The following OR2L13 variants were observed in gnomAD, a reference collection of about 807,000 sequenced individuals.
OR2L13 encodes olfactory receptor family 2 subfamily L member 13.
Under a neutral mutation model 15.3 loss-of-function variants are expected in OR2L13, and 14 were observed. The ratio of observed to expected loss-of-function variants is 0.91; its 90% CI spans 0.60 to 1.43. OR2L13 has a LOEUF of 1.43. OR2L13 is among the 40% of genes most tolerant of loss of function. OR2L13 has a pLI of 0.00. For synonymous variants in OR2L13, 152 were observed against 142.9 expected, an observed-to-expected ratio of 1.06 and a Z score of -0.45; for missense variants, 367 against 387.9, an observed-to-expected ratio of 0.95 and a Z score of 0.45.
the OR2L13 span, among the ~76,000 whole-genome samples, chr1:247,942,706 A>C: frequency 2.0e-5 from 3 of 152,208 alleles, no homozygotes; most frequent in African/African-American, 7.2e-5. Flanking sequence ...GTGCATTTAA[A>C]TGATTTTTAT....
At chr1:247,939,725 A>G in the OR2L13 span, 1 of 152,176 alleles carries the variant, frequency 6.6e-6, no homozygotes, top group African/African-American at 2.4e-5. Flanking sequence ...TGTCTTTCTA[A>G]GTGTAGAAAG....
the OR2L13 span, among the ~76,000 whole-genome samples, chr1:247,982,847 T>C: frequency 2.6e-5 from 4 of 152,128 alleles, no homozygotes; most frequent in African/African-American, 9.6e-5. Context: ...TATTTCACAG[T>C]TATTTACTAT....
the OR2L13 span, among the ~76,000 whole-genome samples, chr1:248,018,129 T>G: frequency 6.8e-6 from 1 of 146,750 alleles, no homozygotes; most frequent in Non-Finnish European, 1.5e-5. Flanking sequence ...CACTCCAGCC[T>G]AGGCGACAGA....
chr1:248,048,497 C>A, the OR2L13 span, among the ~76,000 whole-genome samples: 12 of 152,086 alleles, frequency 7.9e-5, no homozygotes, highest in Admixed American at 7.9e-4. Flanking sequence ...GTCTATACTC[C>A]AGAAGACACT....
At chr1:248,088,441 T>C in the OR2L13 span, among the ~76,000 whole-genome samples, 1 of 152,232 alleles carries the variant, frequency 6.6e-6, no homozygotes, top group South Asian at 2.1e-4. Context: ...TCATGTTCCT[T>C]TCCTATAAAA....
exon 3 of OR2L13, chr1:248,099,535 C>T: frequency 6.2e-7 from 1 of 1,614,060 alleles, no homozygotes; most frequent in Non-Finnish European, 8.5e-7. Context: ...GGATCCTCGT[C>T]TCCACACACC....
the OR2L13 span, chr1:247,965,120 G>A: frequency 2.8e-6 from 1 of 362,098 alleles, no homozygotes; most frequent in Non-Finnish European, 4.9e-6. Context: ...ATGTATGTTT[G>A]CATATATAAT....
chr1:247,960,057 C>T, the OR2L13 span, among the ~76,000 whole-genome samples: 1 of 152,134 alleles, frequency 6.6e-6, no homozygotes, highest in Admixed American at 6.5e-5. Context: ...TGTTTTTTCC[C>T]CATCTTTGTG....
chr1:248,068,592 A>G, the OR2L13 span, among the ~76,000 whole-genome samples: 2 of 152,242 alleles, frequency 1.3e-5, no homozygotes, highest in Non-Finnish European at 2.9e-5. Context: ...CCAAAGGAAC[A>G]CAGTTCCTCA....
At chr1:248,024,606 G>A in the OR2L13 span, among the ~76,000 whole-genome samples, 15 of 152,258 alleles carry the variant, frequency 9.9e-5, no homozygotes, top group East Asian at 2.3e-3. Context: ...AAGGGATCCA[G>A]TTTCAGCTTT....
the OR2L13 span, among the ~76,000 whole-genome samples, chr1:247,999,250 A>C: frequency 4.9e-3 from 741 of 152,292 alleles, 5 homozygotes; most frequent in Non-Finnish European, 8.4e-3. Context: ...GAACTTACCC[A>C]GTGAAGCAGA....
the OR2L13 span, among the ~76,000 whole-genome samples, chr1:247,989,348 GA>G: frequency 6.6e-6 from 1 of 151,910 alleles, no homozygotes; most frequent in Non-Finnish European, 1.5e-5. Flanking sequence ...AATAAATGTA[GA>G]AAAAAATCAT....
the OR2L13 span, chr1:248,039,731 C>T: frequency 6.6e-6 from 1 of 152,060 alleles, no homozygotes; most frequent in Non-Finnish European, 1.5e-5. Context: ...TTGTTTATCT[C>T]CCATTATTAT....
chr1:248,048,716 T>G, the OR2L13 span, among the ~76,000 whole-genome samples: 1 of 152,214 alleles, frequency 6.6e-6, no homozygotes, highest in African/African-American at 2.4e-5. Context: ...CGGAGATCAG[T>G]TTCTGGAAGT....
the OR2L13 span, among the ~76,000 whole-genome samples, chr1:247,989,954 T>G: frequency 6.6e-6 from 1 of 152,096 alleles, no homozygotes; most frequent in African/African-American, 2.4e-5. Flanking sequence ...AGAAGAAAAA[T>G]AAACACCGTT....
At chr1:248,085,509 T>C in the OR2L13 span, among the ~76,000 whole-genome samples, 1 of 145,540 alleles carries the variant, frequency 6.9e-6, no homozygotes, top group South Asian at 2.3e-4. Flanking sequence ...GTTATCTTTT[T>C]CCAGATTATA....
the OR2L13 span, chr1:248,003,257 T>C: frequency 1.5e-5 from 23 of 1,571,180 alleles, no homozygotes; most frequent in African/African-American, 2.8e-4. Flanking sequence ...TGGAAACCTA[T>C]CCATGATTCT....
the OR2L13 span, among the ~76,000 whole-genome samples, chr1:248,069,205 T>C: frequency 6.6e-6 from 1 of 151,906 alleles, no homozygotes; most frequent in Non-Finnish European, 1.5e-5. Flanking sequence ...AAGGAAAAAA[T>C]GTTAAGGGCA....
the OR2L13 span, chr1:248,038,612 A>G: frequency 9.3e-6 from 15 of 1,614,050 alleles, no homozygotes; most frequent in South Asian, 2.2e-5. Flanking sequence ...TGCTCCTGAC[A>G]TCAATGGCCT....
Sources: gnomAD v4.1 joint callset for allele counts (sites outside exome capture counted in the v4.1 genomes callset) on GRCh38, gnomAD v4.1.1 for gene constraint, MANE v1.5 for transcripts, NCBI Gene and HGNC (gene_info 2026-07-23, HGNC 2026-07-21) for gene names.